Variants in ZBTB20 observed in about 807,000 individuals in gnomAD.
ZBTB20 encodes zinc finger and BTB domain containing 20.
A neutral mutation model predicts 56.9 loss-of-function variants in ZBTB20; 9 were observed. The observed-to-expected ratio is 0.16, with a 90% CI of 0.10 to 0.28. ZBTB20 has a LOEUF of 0.28. Ranked by LOEUF, ZBTB20 falls within the 10% of genes least tolerant of loss-of-function variation. ZBTB20 has a pLI of 1.00. For missense variants in ZBTB20, 655 were observed against 1,003.0 expected, an observed-to-expected ratio of 0.65 and a Z score of 4.69; for synonymous variants, 417 against 420.7, an observed-to-expected ratio of 0.99 and a Z score of 0.11.
intron 1 of ZBTB20, among the ~76,000 whole-genome samples, chr3:115,072,536 G>T (rs1229063159): frequency 6.6e-6 from 1 of 152,094 alleles, no homozygotes; most frequent in Middle Eastern, 3.2e-3. Context: ...ATTGCTCTTG[G>T]CCCCTCAGTT....
rs1489465754 is a variant in ZBTB20 at position 115,070,031 on chromosome 3, G to C, written c.-507+1188C>G. On this transcript the variant is annotated intron_variant, in intron 2 of 11. Transcript: ENST00000675478. ...GGACCAATGGCTGTCACTGACTCTTGATCTGCTATATAAAGTTTCATGTTT... is the reference window on the plus strand; with the variant it reads ...GGACCAATGGCTGTCACTGACTCTTCATCTGCTATATAAAGTTTCATGTTT... Among the ~76,000 whole-genome samples the C allele has an allele frequency of 5.3e-5, 8 of 152,156 alleles. No homozygotes were observed. In the South Asian group the frequency reaches 1.0e-3, roughly 20 times the overall value.
chr3:114,575,943 T>G (rs1260496666), intron 6 of ZBTB20, among the ~76,000 whole-genome samples: 2 of 152,210 alleles, frequency 1.3e-5, no homozygotes, highest in African/African-American at 4.8e-5. Flanking sequence ...AGGTATTTAT[T>G]AAATCATAAG....
At chr3:114,616,566 T>A (rs1191632513) in intron 6 of ZBTB20, among the ~76,000 whole-genome samples, 1 of 152,180 alleles carries the variant, frequency 6.6e-6, no homozygotes, top group East Asian at 1.9e-4. Context: ...CCTCTTCCTC[T>A]CTCCATTCCA....
chr3:114,378,411 A>G (rs2083910244), intron 10 of ZBTB20, among the ~76,000 whole-genome samples: 1 of 152,210 alleles, frequency 6.6e-6, no homozygotes, highest in South Asian at 2.1e-4. Flanking sequence ...TGTTTTTCCA[A>G]CTGAGCTCAC....
At chr3:114,528,838 A>G (rs1031766094) in intron 6 of ZBTB20, 2 of 152,166 alleles carry the variant, frequency 1.3e-5, no homozygotes, top group Admixed American at 6.5e-5. Context: ...TTTCCTCAGA[A>G]ATAGACTAAT....
rs191653830 is a variant in ZBTB20, at chr3:115,134,554, A to C, written c.-703+12665T>G. Among the ~76,000 whole-genome samples the C allele has an allele frequency of 5.2e-3, 784 of 151,486 alleles. 7 individuals are homozygous for C. The highest frequency in any genetic ancestry group is 0.018 in the African/African-American group (725 of 41,268). On this transcript the variant is annotated intron_variant, in intron 1 of 11. Transcript: ENST00000675478. The stretch of plus-strand genomic sequence containing the variant: ...TACATTTCTTGCATTTGGTCTTTTC[A>C]TTCACTAATTCATATTTCGACAGTG...
intron 5 of ZBTB20, among the ~76,000 whole-genome samples, chr3:114,784,572 C>G (rs1404621325): frequency 1.3e-5 from 2 of 152,152 alleles, no homozygotes; most frequent in Non-Finnish European, 2.9e-5. Flanking sequence ...CTGCTGGACT[C>G]AGGGAAGGTG....
At chr3:114,715,568 G>C (rs539203819) in intron 5 of ZBTB20, among the ~76,000 whole-genome samples, 1 of 152,290 alleles carries the variant, frequency 6.6e-6, no homozygotes, top group East Asian at 1.9e-4. Context: ...CAAGGTAAAA[G>C]TGTAGGCTTA....
At chr3:114,553,167 T>C (rs1358895058) in intron 6 of ZBTB20, among the ~76,000 whole-genome samples, 2 of 152,142 alleles carry the variant, frequency 1.3e-5, no homozygotes, top group Non-Finnish European at 2.9e-5. Context: ...TCCACAGCAA[T>C]TGGATATTAG....
At chr3:114,829,060 C>G (rs188522021) in intron 4 of ZBTB20, among the ~76,000 whole-genome samples, 1 of 151,868 alleles carries the variant, frequency 6.6e-6, no homozygotes, top group Admixed American at 6.6e-5. Context: ...AAAGTGGTCT[C>G]AGATCTCTTA....
At chr3:114,444,017 GT>G (rs1302742803) in intron 7 of ZBTB20, among the ~76,000 whole-genome samples, 1 of 152,140 alleles carries the variant, frequency 6.6e-6, no homozygotes, top group African/African-American at 2.4e-5. Context: ...GGCAGAATGT[GT>G]TTCTATTTGG....
intron 6 of ZBTB20, among the ~76,000 whole-genome samples, chr3:114,568,342 T>G (rs2053030659): frequency 6.6e-6 from 1 of 152,230 alleles, no homozygotes; most frequent in Admixed American, 6.5e-5. Flanking sequence ...TTTGGAAACC[T>G]AAAACCATGT....
chr3:114,567,636 C>T (rs1425309414), intron 6 of ZBTB20, among the ~76,000 whole-genome samples: 1 of 152,062 alleles, frequency 6.6e-6, no homozygotes, highest in East Asian at 1.9e-4. Flanking sequence ...TCATTTATTC[C>T]TTCAGTCTCA....
At chr3:114,745,497 T>C (rs141296023) in intron 5 of ZBTB20, among the ~76,000 whole-genome samples, 6 of 152,280 alleles carry the variant, frequency 3.9e-5, no homozygotes, top group Non-Finnish European at 7.4e-5. Context: ...CAATCAATAC[T>C]AAGCACCGAA....
chr3:114,988,812 G>A (rs1231693801), intron 2 of ZBTB20, among the ~76,000 whole-genome samples: 2 of 151,944 alleles, frequency 1.3e-5, no homozygotes, highest in Non-Finnish European at 2.9e-5. Context: ...GTGAGATGGT[G>A]TCTCATTGTG....
At chr3:114,968,821 G>A (rs2077755902) in intron 3 of ZBTB20, among the ~76,000 whole-genome samples, 2 of 152,096 alleles carry the variant, frequency 1.3e-5, no homozygotes, top group African/African-American at 2.4e-5. Context: ...ATCATATAAA[G>A]TAAGCCAGGT....
At chr3:114,739,261 G>A (rs893152125) in intron 5 of ZBTB20, among the ~76,000 whole-genome samples, 1 of 152,172 alleles carries the variant, frequency 6.6e-6, no homozygotes, top group African/African-American at 2.4e-5. Context: ...AATTCAGTTT[G>A]AGAACTACAG....
At chr3:114,725,713 C>G (rs1490905725) in intron 5 of ZBTB20, among the ~76,000 whole-genome samples, 4 of 152,162 alleles carry the variant, frequency 2.6e-5, no homozygotes, top group Admixed American at 6.5e-5. Context: ...TGCATTAACT[C>G]TCTATATTCT....
chr3:115,130,577 T>C (rs1262492737), intron 1 of ZBTB20, among the ~76,000 whole-genome samples: 1 of 152,156 alleles, frequency 6.6e-6, no homozygotes, highest in Non-Finnish European at 1.5e-5. Flanking sequence ...TGGCCTGAAA[T>C]GCTAGAAGAA....
Sources: gnomAD v4.1 joint callset for allele counts (sites outside exome capture counted in the v4.1 genomes callset) on GRCh38, gnomAD v4.1.1 for gene constraint, MANE v1.5 for transcripts, NCBI Gene and HGNC (gene_info 2026-07-23, HGNC 2026-07-21) for gene names.